PCDH9: variants seen among roughly 807,000 people sequenced by gnomAD.
PCDH9 encodes protocadherin 9.
A neutral mutation model predicts 70.6 loss-of-function variants in PCDH9; 24 were observed. The ratio of observed to expected loss-of-function variants is 0.34; its 90% CI spans 0.25 to 0.48. PCDH9 has a LOEUF of 0.48. Among genes scored for constraint, PCDH9 ranks in the 20% least tolerant of loss-of-function variants. The pLI is 0.99. For missense variants in PCDH9, 1,281 were observed against 1,503.6 expected, an observed-to-expected ratio of 0.85 and a Z score of 2.45; for synonymous variants, 562 against 558.5, an observed-to-expected ratio of 1.01 and a Z score of -0.09.
chr13:66,797,318 T>C (rs997148396), intron 3 of PCDH9, among the ~76,000 whole-genome samples: 1 of 152,156 alleles, frequency 6.6e-6, no homozygotes, highest in African/African-American at 2.4e-5. Context: ...ATCTTGGGGT[T>C]GATAATGATT....
intron 2 of PCDH9, among the ~76,000 whole-genome samples, chr13:67,129,864 G>A (rs2138326431): frequency 6.6e-6 from 1 of 151,798 alleles, no homozygotes; most frequent in Admixed American, 6.6e-5. Context: ...TGCAATAAAA[G>A]CAGAGAAAAA....
intron 4 of PCDH9, among the ~76,000 whole-genome samples, chr13:66,405,526 T>C (rs372877679): frequency 5.3e-5 from 8 of 151,900 alleles, no homozygotes; most frequent in African/African-American, 1.5e-4. Context: ...AACAGAAAAA[T>C]AGATTATTTA....
At chr13:66,420,482 AAG>A (rs1369774613) in intron 4 of PCDH9, among the ~76,000 whole-genome samples, 1 of 152,174 alleles carries the variant, frequency 6.6e-6, no homozygotes, top group Non-Finnish European at 1.5e-5. Context: ...CTTCCAGAGG[AAG>A]GAGCAGGCAG....
At chr13:66,583,475 G>A (rs9592479) in intron 4 of PCDH9, among the ~76,000 whole-genome samples, 2 of 151,916 alleles carry the variant, frequency 1.3e-5, no homozygotes, top group African/African-American at 4.8e-5. Context: ...GGCTGGGCTT[G>A]GGGGGACGCG....
At chr13:66,671,343 G>A (rs1420760161) in intron 3 of PCDH9, among the ~76,000 whole-genome samples, 15 of 152,218 alleles carry the variant, frequency 9.9e-5, no homozygotes, top group Admixed American at 9.8e-4. Context: ...CCTGAAATGT[G>A]GAAGCGACAC....
chr13:67,152,432 C>T (rs552572241), intron 2 of PCDH9, among the ~76,000 whole-genome samples: 27 of 152,278 alleles, frequency 1.8e-4, no homozygotes, highest in African/African-American at 6.3e-4. Flanking sequence ...GATTTTTCAA[C>T]CTAAATCTCT....
At chr13:66,608,462 T>G (rs1350490387) in intron 4 of PCDH9, among the ~76,000 whole-genome samples, 1 of 152,142 alleles carries the variant, frequency 6.6e-6, no homozygotes, top group African/African-American at 2.4e-5. Flanking sequence ...TAAGAAAGTT[T>G]CTTAGTTTGG....
At chr13:67,161,015 T>C (rs922963904) in intron 2 of PCDH9, among the ~76,000 whole-genome samples, 21 of 152,166 alleles carry the variant, frequency 1.4e-4, no homozygotes. Context: ...ATAAATGCAG[T>C]AGGTAGAGCG....
Position 66,304,366 on chromosome 13 carries a change from G to T in PCDH9, c.*289C>A. The T allele has an allele frequency of 4.7e-6, 1 of 213,060 alleles. No individual in the cohort carries two copies. Among genetic ancestry groups the T allele is most frequent in the Non-Finnish European group, 9.1e-6 (1 of 109,398 alleles). 13.2% of individuals were successfully genotyped at this position (213,060 alleles called of 1,614,324 possible). On this transcript the variant is annotated 3_prime_UTR_variant, in exon 5 of 5. Coordinates refer to ENST00000377865, the MANE Select transcript of PCDH9 (RefSeq NM_203487.3). ...TTACTTTCCAAATGCATATTCTATTGTTCATAGCAGCAGTCCAGGGTCAAA... is the reference window on the plus strand; with the variant it reads ...TTACTTTCCAAATGCATATTCTATTTTTCATAGCAGCAGTCCAGGGTCAAA...
At chr13:66,437,012 AG>A (rs1421090396) in intron 4 of PCDH9, among the ~76,000 whole-genome samples, 1 of 151,794 alleles carries the variant, frequency 6.6e-6, no homozygotes, top group South Asian at 2.1e-4. Flanking sequence ...ACTATGATCA[AG>A]CAGATCACAG....
intron 2 of PCDH9, among the ~76,000 whole-genome samples, chr13:67,023,646 T>C (rs2084723255): frequency 6.6e-6 from 1 of 152,132 alleles, no homozygotes; most frequent in African/African-American, 2.4e-5. Context: ...AAGTTTGGAA[T>C]CAACACGTAT....
chr13:67,139,624 A>G (rs1356942906), intron 2 of PCDH9, among the ~76,000 whole-genome samples: 1 of 152,172 alleles, frequency 6.6e-6, no homozygotes, highest in Non-Finnish European at 1.5e-5. Flanking sequence ...ACTACTTTAA[A>G]ATTAGAAGTG....
At chr13:66,463,528 A>AT (rs1958462948) in intron 4 of PCDH9, among the ~76,000 whole-genome samples, 1 of 151,808 alleles carries the variant, frequency 6.6e-6, no homozygotes, top group South Asian at 2.1e-4. Context: ...ATTTGTAAGT[A>AT]TTTATTGTGC....
chr13:67,066,633 A>G (rs1232052708), intron 2 of PCDH9, among the ~76,000 whole-genome samples: 1 of 152,224 alleles, frequency 6.6e-6, no homozygotes, highest in East Asian at 1.9e-4. Flanking sequence ...ATATGACTAA[A>G]ATAAATGCTT....
intron 2 of PCDH9, among the ~76,000 whole-genome samples, chr13:67,127,234 G>A (rs918652082): frequency 1.3e-5 from 2 of 152,116 alleles, no homozygotes; most frequent in Admixed American, 6.6e-5. Context: ...CAGCTGACCC[G>A]ATGAACTCAA....
chr13:66,413,672 C>T (rs577697237), intron 4 of PCDH9, among the ~76,000 whole-genome samples: 37 of 150,970 alleles, frequency 2.5e-4, no homozygotes, highest in Middle Eastern at 3.4e-3. Flanking sequence ...GGCAACAGAG[C>T]GAGACTCCAT....
intron 2 of PCDH9, among the ~76,000 whole-genome samples, chr13:67,086,437 A>G (rs1237517469): frequency 6.6e-6 from 1 of 152,196 alleles, no homozygotes; most frequent in Non-Finnish European, 1.5e-5. Flanking sequence ...TTTAAAGTGC[A>G]CAGACAGCCA....
At chr13:66,858,931 A>G (rs1017864530) in intron 3 of PCDH9, 4 of 152,166 alleles carry the variant, frequency 2.6e-5, no homozygotes, top group African/African-American at 7.2e-5. Context: ...ACTTCCTCTG[A>G]TATCAATTTT....
rs187606726 is a variant in PCDH9 at position 66,356,183 on chromosome 13, A to T, written c.3341-51155T>A. On this transcript the variant is annotated intron_variant, in intron 4 of 4. Coordinates refer to ENST00000377865, the MANE Select transcript of PCDH9 (RefSeq NM_203487.3). ...ATTGGAGGGCTCCAATGAATTAATG[A>T]TTTGAAAATACAATATGTTTGAATG... Among the ~76,000 whole-genome samples the T allele has an allele frequency of 4.1e-3, 628 of 152,244 alleles. 2 individuals carry two copies. Among genetic ancestry groups the T allele is most frequent in the African/African-American group, 0.014 (597 of 41,566 alleles).
Sources: allele counts gnomAD v4.1 joint callset (sites outside exome capture counted in the v4.1 genomes callset), GRCh38; gene constraint gnomAD v4.1.1; transcripts MANE v1.5; gene names NCBI Gene and HGNC (gene_info 2026-07-23, HGNC 2026-07-21).